The following DLGAP2 variants were observed in gnomAD, a reference collection of about 807,000 sequenced individuals.
DLGAP2 encodes disks large-associated protein 2.
DLGAP2 carries 26 observed loss-of-function variants against 100.3 expected under a neutral mutation model. The observed-to-expected ratio is 0.26, with a 90% CI of 0.19 to 0.36. The LOEUF is 0.36. Among genes scored for constraint, DLGAP2 ranks in the 10% least tolerant of loss-of-function variants. The probability of loss-of-function intolerance (pLI) is 1.00; values close to 1 mark genes in which losing one functional copy is unlikely to be tolerated. For synonymous variants in DLGAP2, 886 were observed against 630.1 expected (o/e 1.41, Z -6.08); for missense variants, 1,858 against 1,453.2 (o/e 1.28, Z -4.53).
intron 1 of DLGAP2, among the ~76,000 whole-genome samples, chr8:805,682 A>T (rs1411774714): frequency 1.3e-5 from 2 of 151,916 alleles, no homozygotes; most frequent in African/African-American, 4.8e-5. Flanking sequence ...ATCTGGGCTC[A>T]CTCCGCCTCC....
intron 1 of DLGAP2, among the ~76,000 whole-genome samples, chr8:743,202 A>C (rs1369698829): frequency 6.6e-6 from 1 of 152,250 alleles, no homozygotes; most frequent in African/African-American, 2.4e-5. Context: ...CGGAAGAAAC[A>C]CATGTGATAA....
chr8:1,051,585 C>T (rs1015901063), intron 2 of DLGAP2, among the ~76,000 whole-genome samples: 7 of 152,200 alleles, frequency 4.6e-5, no homozygotes, highest in African/African-American at 1.7e-4. Context: ...TAGAAATAGA[C>T]TTGCTACTAT....
At chr8:1,165,037 C>T (rs567267042) in intron 2 of DLGAP2, among the ~76,000 whole-genome samples, 43 of 151,990 alleles carry the variant, frequency 2.8e-4, no homozygotes, top group South Asian at 1.0e-3. Context: ...GTTGGGAGTC[C>T]GGGGTCCTGG....
rs566772411 is a variant in DLGAP2 at position 953,532 on chromosome 8, T to C, written c.73+45566T>C. Reference sequence around the variant, plus strand: ...CTAATTTTTGCTTGGAAGCTTAAATTTGATCACTGATAGCAAATACTTTCA... The same window carrying C: ...CTAATTTTTGCTTGGAAGCTTAAATCTGATCACTGATAGCAAATACTTTCA... On this transcript the variant is annotated intron_variant, in intron 2 of 14. Coordinates refer to ENST00000637795, the MANE Select transcript of DLGAP2 (RefSeq NM_001346810.2). 3.3e-5 allele frequency among the ~76,000 whole-genome samples: 5 copies of C among 152,348 alleles called. No individual in the cohort carries two copies. The South Asian group carries it at 8.3e-4, about 25-fold the overall frequency.
chr8:1,437,813 CAAAAAAA>C lies in DLGAP2; in HGVS notation c.107-63536_107-63530del, dbSNP rs59165125. ...TGAAACCCCGTCTCTACTAAAAATA[CAAAAAAA>C]AAAAAAAAAAAAAAAATTAGCCGGG... On this transcript the variant is annotated intron_variant, in intron 3 of 14. Coordinates refer to ENST00000637795, the MANE Select transcript of DLGAP2 (RefSeq NM_001346810.2). Among the ~76,000 whole-genome samples, 171 of 85,226 alleles carry C rather than the reference CAAAAAAA, an allele frequency of 2.0e-3. 1 individual carries two copies. The highest frequency in any genetic ancestry group is 3.2e-3 in the South Asian group (6 of 1,856). 55.9% of individuals were successfully genotyped at this position (85,226 alleles called of 152,430 possible).
chr8:940,591 C>T (rs958666693), intron 2 of DLGAP2, among the ~76,000 whole-genome samples: 2 of 152,026 alleles, frequency 1.3e-5, no homozygotes, highest in Non-Finnish European at 2.9e-5. Context: ...AGGGCTCTGG[C>T]AACAGCTGGG....
At chr8:751,588 C>T (rs1317025693) in intron 1 of DLGAP2, among the ~76,000 whole-genome samples, 1 of 151,768 alleles carries the variant, frequency 6.6e-6, no homozygotes, top group African/African-American at 2.4e-5. Context: ...TATAGTAAGT[C>T]CTTATAATAA....
intron 3 of DLGAP2, among the ~76,000 whole-genome samples, chr8:1,372,205 CTGCCAACGCTGGGACGCTGGTCACCGTGG>C (rs138719877): frequency 0.21 from 29,931 of 143,844 alleles, 1,288 homozygotes; most frequent in Middle Eastern, 0.23. Flanking sequence ...GGTCACCGTG[CTGCCAACGCTGGGACGCTGGTCACCGTGG>C]TGCCAACGCT....
intron 2 of DLGAP2, among the ~76,000 whole-genome samples, chr8:1,107,716 C>T (rs1357735398): frequency 6.6e-6 from 1 of 152,218 alleles, no homozygotes; most frequent in Non-Finnish European, 1.5e-5. Context: ...GTAAAGCACA[C>T]ATAGTATTTG....
At chr8:1,318,810 G>A (rs1226290126) in intron 3 of DLGAP2, among the ~76,000 whole-genome samples, 1 of 132,992 alleles carries the variant, frequency 7.5e-6, no homozygotes, top group East Asian at 2.1e-4. Flanking sequence ...CATCCTTGGG[G>A]CCTCCAATGT....
chr8:1,588,401 G>A (rs1391993477), intron 6 of DLGAP2, among the ~76,000 whole-genome samples: 5 of 152,136 alleles, frequency 3.3e-5, no homozygotes, highest in Non-Finnish European at 5.9e-5. Context: ...AAGCAGCAGC[G>A]AGTTTTACTA....
At chr8:1,514,433 T>C (rs2130385231) in intron 4 of DLGAP2, among the ~76,000 whole-genome samples, 1 of 152,310 alleles carries the variant, frequency 6.6e-6, no homozygotes, top group Admixed American at 6.5e-5. Context: ...CTTAATGAAA[T>C]TGTATAAAAT....
intron 3 of DLGAP2, among the ~76,000 whole-genome samples, chr8:1,421,215 T>C (rs1258807574): frequency 6.6e-6 from 1 of 152,206 alleles, no homozygotes; most frequent in Non-Finnish European, 1.5e-5. Flanking sequence ...TCTGAGTGTT[T>C]CATGTTGTGT....
At chr8:1,462,740 G>A (rs879463980) in intron 3 of DLGAP2, among the ~76,000 whole-genome samples, 1 of 152,210 alleles carries the variant, frequency 6.6e-6, no homozygotes, top group Non-Finnish European at 1.5e-5. Context: ...GGCCCAGGGA[G>A]CCACGTCCCC....
chr8:1,049,086 C>T (rs578101889), intron 2 of DLGAP2, among the ~76,000 whole-genome samples: 4 of 152,202 alleles, frequency 2.6e-5, no homozygotes, highest in Non-Finnish European at 5.9e-5. Context: ...AGCCTGCATT[C>T]CTGCAAAATA....
chr8:1,083,790 A>G (rs184962186), intron 2 of DLGAP2, among the ~76,000 whole-genome samples: 166 of 152,316 alleles, frequency 1.1e-3, no homozygotes, highest in Middle Eastern at 6.8e-3. Flanking sequence ...TTAGATATCA[A>G]AACTATGAAT....
intron 2 of DLGAP2, among the ~76,000 whole-genome samples, chr8:928,341 C>T (rs1040796144): frequency 1.3e-5 from 2 of 151,988 alleles, no homozygotes; most frequent in African/African-American, 2.4e-5. Flanking sequence ...GTCGAGTTTG[C>T]GTTCACTAGG....
chr8:836,687 G>C (rs567531695), intron 1 of DLGAP2, among the ~76,000 whole-genome samples: 1 of 152,342 alleles, frequency 6.6e-6, no homozygotes, highest in South Asian at 2.1e-4. Flanking sequence ...TTTGACCCTG[G>C]AAGGGCTTTG....
intron 6 of DLGAP2, among the ~76,000 whole-genome samples, chr8:1,574,995 C>G (rs1001022612): frequency 6.6e-6 from 1 of 152,184 alleles, no homozygotes. Context: ...CACACGTGTG[C>G]ACACACTCAC....
Sources: allele counts gnomAD v4.1 joint callset (sites outside exome capture counted in the v4.1 genomes callset), GRCh38; gene constraint gnomAD v4.1.1; transcripts MANE v1.5; gene names NCBI Gene and HGNC (gene_info 2026-07-23, HGNC 2026-07-21).